PLCH1: variants seen among roughly 807,000 people sequenced by gnomAD.
The protein encoded by PLCH1 is phospholipase C eta 1, also known as 1-phosphatidylinositol 4,5-bisphosphate phosphodiesterase eta-1.
PLCH1 carries 60 observed loss-of-function variants against 126.7 expected under a neutral mutation model. The ratio of observed to expected loss-of-function variants is 0.47; its 90% CI spans 0.38 to 0.59. PLCH1 has a LOEUF of 0.59. Among genes scored for constraint, PLCH1 ranks in the 20% least tolerant of loss-of-function variants. PLCH1 has a pLI of 0.00. For missense variants in PLCH1, 1,723 were observed against 2,040.0 expected (o/e 0.84, Z 2.99); for synonymous variants, 719 against 734.9 (o/e 0.98, Z 0.35).
At position 155,495,561 on chromosome 3, in the gene PLCH1, A is replaced by T. The variant is rs377321934; in HGVS notation, c.1895-1044T>A. On this transcript the variant is annotated intron_variant, in intron 15 of 22. Transcript: ENST00000460012. ...AGTGTGTCTGAGCCCAGACAGAGAG[A>T]TGTGGTCCATGAAACCAAAGAGTTG... 1.4e-4 allele frequency among the ~76,000 whole-genome samples: 22 copies of T among 152,248 alleles called. No individual in the cohort carries two copies. The East Asian group carries it at 3.7e-3, about 25-fold the overall frequency.
intron 6 of PLCH1, among the ~76,000 whole-genome samples, chr3:155,579,776 T>C (rs944148159): frequency 3.3e-5 from 5 of 152,194 alleles, no homozygotes; most frequent in African/African-American, 4.8e-5. Context: ...GGTTCTTTAG[T>C]GGCATTTAAA....
intron 10 of PLCH1, among the ~76,000 whole-genome samples, chr3:155,542,680 T>C (rs546918428): frequency 1.5e-3 from 221 of 152,300 alleles, no homozygotes; most frequent in Middle Eastern, 6.8e-3. Context: ...GGTACTCCTC[T>C]GAGACAAAAC....
intron 2 of PLCH1, among the ~76,000 whole-genome samples, chr3:155,615,646 C>A (rs544172961): frequency 6.6e-6 from 1 of 152,080 alleles, no homozygotes; most frequent in Admixed American, 6.6e-5. Context: ...GACCATTATT[C>A]TAAGTGAAGT....
chr3:155,506,465 T>C (rs1718747110), intron 12 of PLCH1, among the ~76,000 whole-genome samples: 2 of 150,498 alleles, frequency 1.3e-5, no homozygotes, highest in Admixed American at 1.3e-4. Flanking sequence ...ACGTGTCAAC[T>C]AGCATTAAGT....
chr3:155,577,739 T>C (rs1730168808), intron 6 of PLCH1, among the ~76,000 whole-genome samples: 1 of 152,232 alleles, frequency 6.6e-6, no homozygotes, highest in Non-Finnish European at 1.5e-5. Flanking sequence ...ACTGGCAGAA[T>C]GTCAACAAAA....
chr3:155,505,145 C>A (rs1365401409), intron 12 of PLCH1, among the ~76,000 whole-genome samples: 1 of 152,244 alleles, frequency 6.6e-6, no homozygotes, highest in East Asian at 1.9e-4. Context: ...CCAAGGATAT[C>A]TATGAGATAA....
At chr3:155,473,265 A>C (rs1274361805) in intron 21 of PLCH1, among the ~76,000 whole-genome samples, 3 of 151,454 alleles carry the variant, frequency 2.0e-5, no homozygotes, top group Non-Finnish European at 3.0e-5. Context: ...AAAAATCACA[A>C]GCATTCTTAT....
At chr3:155,640,448 G>A (rs1343633266) in intron 2 of PLCH1, among the ~76,000 whole-genome samples, 2 of 152,164 alleles carry the variant, frequency 1.3e-5, no homozygotes, top group African/African-American at 4.8e-5. Flanking sequence ...AACGTTTTAA[G>A]CAGAGTGACC....
At chr3:155,470,970 T>C (rs1415382855) in intron 21 of PLCH1, among the ~76,000 whole-genome samples, 2 of 151,454 alleles carry the variant, frequency 1.3e-5, no homozygotes, top group Non-Finnish European at 2.9e-5. Flanking sequence ...TACTGCAAAA[T>C]CATGCCAAAA....
At chr3:155,469,490 G>C (rs1713080366) in intron 21 of PLCH1, among the ~76,000 whole-genome samples, 1 of 151,488 alleles carries the variant, frequency 6.6e-6, no homozygotes, top group African/African-American at 2.4e-5. Flanking sequence ...GCGGCAGCGA[G>C]GCTGGGGGAG....
At chr3:155,728,890 T>A (rs142283766) in intron 1 of PLCH1, among the ~76,000 whole-genome samples, 1 of 152,360 alleles carries the variant, frequency 6.6e-6, no homozygotes, top group Non-Finnish European at 1.5e-5. Flanking sequence ...TCTGGAACTC[T>A]AGCCCAATGT....
chr3:155,470,838 T>C (rs1308677358), intron 21 of PLCH1, among the ~76,000 whole-genome samples: 1 of 150,942 alleles, frequency 6.6e-6, no homozygotes, highest in African/African-American at 2.4e-5. Flanking sequence ...GCTTCATAAG[T>C]GAAGGAGAAA....
At chr3:155,565,485 C>T (rs970247398) in intron 7 of PLCH1, among the ~76,000 whole-genome samples, 2 of 151,936 alleles carry the variant, frequency 1.3e-5, no homozygotes, top group African/African-American at 4.8e-5. Flanking sequence ...ACTCTCTCTC[C>T]TGCTCCAGCT....
At chr3:155,558,763 C>A (rs994231780) in intron 8 of PLCH1, among the ~76,000 whole-genome samples, 1 of 151,948 alleles carries the variant, frequency 6.6e-6, no homozygotes, top group South Asian at 2.1e-4. Context: ...TTAATATTTT[C>A]GGGGTGCAGC....
At chr3:155,560,697 T>C (rs1472903178) in intron 8 of PLCH1, among the ~76,000 whole-genome samples, 18 of 152,206 alleles carry the variant, frequency 1.2e-4, no homozygotes, top group Admixed American at 1.1e-3. Context: ...TCTTATCTCA[T>C]TGTCCTACTG....
chr3:155,484,691 C>T (rs1023317573), intron 22 of PLCH1, among the ~76,000 whole-genome samples: 1 of 152,182 alleles, frequency 6.6e-6, no homozygotes, highest in East Asian at 1.9e-4. Context: ...CACTGCAAGG[C>T]GGTCTTCACT....
At chr3:155,486,220 A>G in intron 21 of PLCH1, 1 of 1,525,438 alleles carries the variant, frequency 6.6e-7, no homozygotes, top group Non-Finnish European at 8.9e-7. Flanking sequence ...TAAAGGAAAA[A>G]AACAAAACAC....
intron 2 of PLCH1, among the ~76,000 whole-genome samples, chr3:155,620,605 C>G (rs1736343326): frequency 6.6e-6 from 1 of 152,110 alleles, no homozygotes; most frequent in African/African-American, 2.4e-5. Context: ...CAAGAAAGAA[C>G]CAAAGTAAGA....
At chr3:155,671,733 G>C (rs912942969) in intron 2 of PLCH1, among the ~76,000 whole-genome samples, 1 of 151,920 alleles carries the variant, frequency 6.6e-6, no homozygotes. Context: ...AGAGGACATG[G>C]GGCAATATAA....
Sources: allele counts gnomAD v4.1 joint callset (sites outside exome capture counted in the v4.1 genomes callset), GRCh38; gene constraint gnomAD v4.1.1; transcripts MANE v1.5; gene names NCBI Gene and HGNC (gene_info 2026-07-23, HGNC 2026-07-21).